Variants in DISC1 observed in about 807,000 individuals in gnomAD.
The protein encoded by DISC1 is disrupted in schizophrenia 1 protein.
A neutral mutation model predicts 84.5 loss-of-function variants in DISC1; 57 were observed. That is an observed-to-expected ratio of 0.67 (90% CI 0.55 to 0.84). The LOEUF is 0.84. Ranked by LOEUF, DISC1 falls within the 40% of genes least tolerant of loss-of-function variation. DISC1 has a pLI of 0.00. For missense variants in DISC1, 1,000 were observed against 1,057.8 expected (o/e 0.95, Z 0.76); for synonymous variants, 411 against 415.2 (o/e 0.99, Z 0.12).
intron 9 of DISC1, among the ~76,000 whole-genome samples, chr1:231,847,554 T>C (rs1041019781): frequency 1.3e-5 from 2 of 152,176 alleles, no homozygotes; most frequent in African/African-American, 2.4e-5. Flanking sequence ...GGACCCTCTG[T>C]TGCTGTAAGA....
chr1:231,844,388 C>T (rs1197363981), intron 9 of DISC1, among the ~76,000 whole-genome samples: 3 of 152,264 alleles, frequency 2.0e-5, no homozygotes, highest in South Asian at 2.1e-4. Context: ...ATGGGGGTGG[C>T]GCAGAGCTTC....
intron 1 of DISC1, among the ~76,000 whole-genome samples, chr1:231,691,009 G>A (rs1572903019): frequency 1.3e-5 from 2 of 152,190 alleles, no homozygotes; most frequent in East Asian, 1.9e-4. Context: ...TCTGGTCCCC[G>A]GCTCATCACA....
intron 9 of DISC1, among the ~76,000 whole-genome samples, chr1:231,937,251 T>C (rs1572180993): frequency 6.6e-6 from 1 of 152,230 alleles, no homozygotes; most frequent in African/African-American, 2.4e-5. Context: ...TTTAAGCCAA[T>C]AATTTTATAC....
intron 1 of DISC1, among the ~76,000 whole-genome samples, chr1:231,681,756 C>T (rs1487348992): frequency 1.3e-5 from 2 of 151,858 alleles, no homozygotes; most frequent in South Asian, 2.1e-4. Flanking sequence ...AGTGCAATGG[C>T]ACGATCTTGG....
Position 231,830,899 on chromosome 1 carries a change from G to A in DISC1, c.1981+12382G>A, listed in dbSNP as rs533151339. Among the ~76,000 whole-genome samples, 861 of 152,304 alleles carry A rather than the reference G, an allele frequency of 5.7e-3. 9 individuals carry two copies. Among genetic ancestry groups the A allele is most frequent in the African/African-American group, 0.019 (779 of 41,552 alleles). ...CTACCTTTCCTGAAGACGGAGGACC[G>A]TAAGGGATATAAAGGTTTCACTGAA... On this transcript the variant is annotated intron_variant, in intron 9 of 12. Coordinates refer to ENST00000439617, the MANE Select transcript of DISC1 (RefSeq NM_018662.3).
In DISC1 at chr1:232,039,370, A is replaced by T. The variant is rs1479454575; in HGVS notation, c.*2539A>T. The T allele has an allele frequency of 6.6e-6, 1 of 152,158 alleles. No homozygotes were observed. The highest frequency in any genetic ancestry group is 1.5e-5 in the Non-Finnish European group (1 of 68,028). The allele number at this position is 152,158 out of a possible 1,614,324, so 9.4% of individuals were successfully genotyped here. A position where few individuals can be genotyped will look rare whatever the true frequency, so the allele number is the denominator to read the frequency against. On this transcript the variant is annotated 3_prime_UTR_variant, in exon 13 of 13. Transcript: ENST00000439617. ...CATGAAATAATTCTGTGAGGTCATGATGTATTTGAAAATTCTGCAAGTTAA... is the reference window on the plus strand; with the variant it reads ...CATGAAATAATTCTGTGAGGTCATGTTGTATTTGAAAATTCTGCAAGTTAA...
chr1:232,029,683 G>A (rs1282609650), intron 12 of DISC1, among the ~76,000 whole-genome samples: 1 of 152,236 alleles, frequency 6.6e-6, no homozygotes, highest in African/African-American at 2.4e-5. Flanking sequence ...ATTAATGTAA[G>A]CCCACATTGG....
At chr1:231,824,458 A>G (rs1175589861) in intron 9 of DISC1, among the ~76,000 whole-genome samples, 1 of 152,192 alleles carries the variant, frequency 6.6e-6, no homozygotes, top group Non-Finnish European at 1.5e-5. Flanking sequence ...TGATTACATT[A>G]TCACTTTATC....
chr1:231,943,122 A>T (rs572979136), intron 9 of DISC1, among the ~76,000 whole-genome samples: 2 of 152,406 alleles, frequency 1.3e-5, no homozygotes, highest in African/African-American at 4.8e-5. Context: ...TTTCAGAGAT[A>T]AATCAGTCTA....
rs576439146 is a variant in DISC1 at position 231,657,143 on chromosome 1, T to G, written c.67+30209T>G. Among the ~76,000 whole-genome samples the G allele has an allele frequency of 1.8e-4, 27 of 152,310 alleles. 1 individual carries two copies. The South Asian group carries it at 5.4e-3, about 30-fold the overall frequency. On this transcript the variant is annotated intron_variant, in intron 1 of 12. Transcript: ENST00000439617. ...ACACAATGATTTATATTTTTTGGGGTGTATACCCCGTAATGGGATTGATGA... is the reference window on the plus strand; with the variant it reads ...ACACAATGATTTATATTTTTTGGGGGGTATACCCCGTAATGGGATTGATGA...
At chr1:231,754,127 C>T (rs2074896089) in intron 4 of DISC1, among the ~76,000 whole-genome samples, 1 of 152,228 alleles carries the variant, frequency 6.6e-6, no homozygotes, top group Admixed American at 6.5e-5. Context: ...CATCCACACT[C>T]TTCCAACCTC....
chr1:231,953,285 C>A (rs1658817615), intron 9 of DISC1, among the ~76,000 whole-genome samples: 1 of 152,188 alleles, frequency 6.6e-6, no homozygotes, highest in Admixed American at 6.5e-5. Context: ...TTTAGGGGTT[C>A]ATGGTTGATA....
At chr1:231,845,141 A>T (rs2083365281) in intron 9 of DISC1, among the ~76,000 whole-genome samples, 1 of 152,140 alleles carries the variant, frequency 6.6e-6, no homozygotes, top group Non-Finnish European at 1.5e-5. Flanking sequence ...AGGCATGTTC[A>T]ACCCTACTTC....
chr1:231,890,150 A>G (rs752519914), intron 9 of DISC1, among the ~76,000 whole-genome samples: 7 of 152,120 alleles, frequency 4.6e-5, no homozygotes, highest in Non-Finnish European at 1.0e-4. Context: ...AAGGTGTGCA[A>G]TAAGTTGTGT....
chr1:231,658,683 A>C (rs2061336956), intron 1 of DISC1, among the ~76,000 whole-genome samples: 1 of 152,292 alleles, frequency 6.6e-6, no homozygotes, highest in African/African-American at 2.4e-5. Context: ...AATTTTTAAC[A>C]TGAAGGGATG....
intron 6 of DISC1, among the ~76,000 whole-genome samples, chr1:231,787,004 C>G (rs1417510171): frequency 6.6e-6 from 1 of 152,166 alleles, no homozygotes; most frequent in Non-Finnish European, 1.5e-5. Flanking sequence ...GGACAGAGCC[C>G]TCTAATGTGG....
intron 11 of DISC1, among the ~76,000 whole-genome samples, chr1:232,023,539 T>C (rs770654734): frequency 2.0e-5 from 3 of 152,152 alleles, no homozygotes; most frequent in Non-Finnish European, 4.4e-5. Context: ...AAAGCGCTTG[T>C]TATGTGGTCT....
intron 4 of DISC1, among the ~76,000 whole-genome samples, chr1:231,764,048 TCTC>T (rs544313624): frequency 1.4e-4 from 21 of 152,296 alleles, no homozygotes; most frequent in Middle Eastern, 3.4e-3. Context: ...GCTTCACGCT[TCTC>T]CTCATTGAGC....
At chr1:231,800,404 T>C (rs2255340) in intron 8 of DISC1, among the ~76,000 whole-genome samples, 194 bp downstream of exon 8, 113,079 of 152,044 alleles carry the variant, frequency 0.74, 42,255 homozygotes, top group Admixed American at 0.78. Context: ...GTATTTGGGA[T>C]TTCTAGTTCC....
Sources: gnomAD v4.1 joint callset for allele counts (sites outside exome capture counted in the v4.1 genomes callset) on GRCh38, gnomAD v4.1.1 for gene constraint, MANE v1.5 for transcripts, NCBI Gene and HGNC (gene_info 2026-07-23, HGNC 2026-07-21) for gene names.